Variants in FHOD3 observed in about 807,000 individuals in gnomAD.
FHOD3 encodes the protein FH1/FH2 domain-containing protein 3.
In FHOD3, 90 loss-of-function variants were observed where a neutral mutation model predicts 173.0. The observed-to-expected ratio is 0.52, with a 90% confidence interval of 0.44 to 0.62. The LOEUF is 0.62. FHOD3 is among the 20% of genes least tolerant of loss of function. The probability of loss-of-function intolerance (pLI) is 0.00; values close to 1 mark genes in which losing one functional copy is unlikely to be tolerated. For missense variants in FHOD3, 1,945 were observed against 2,034.7 expected (o/e 0.96, Z 0.85); for synonymous variants, 828 against 823.0 (o/e 1.01, Z -0.10).
chr18:36,476,443 A>G (rs2053580033), intron 3 of FHOD3, among the ~76,000 whole-genome samples: 1 of 152,204 alleles, frequency 6.6e-6, no homozygotes, highest in Admixed American at 6.5e-5. Context: ...TCATGCCCAC[A>G]GAGGGCAGGC....
At chr18:36,742,996 A>G in intron 22 of FHOD3, 140 bp downstream of exon 22, 1 of 1,300,050 alleles carries the variant, frequency 7.7e-7, no homozygotes, top group Non-Finnish European at 1.1e-6. Flanking sequence ...CTGAAAATCT[A>G]GAAGGAATTT....
intron 1 of FHOD3, among the ~76,000 whole-genome samples, chr18:36,341,143 T>G (rs1431139398): frequency 6.6e-6 from 1 of 152,242 alleles, no homozygotes; most frequent in Non-Finnish European, 1.5e-5. Flanking sequence ...GAGCTTGTGC[T>G]ACAGATTTAT....
chr18:36,418,015 G>A (rs1173313058), intron 3 of FHOD3, among the ~76,000 whole-genome samples: 2 of 152,170 alleles, frequency 1.3e-5, no homozygotes, highest in Non-Finnish European at 2.9e-5. Context: ...AAAAGGAAAT[G>A]TCTTAGACAT....
chr18:36,693,181 C>A, intron 16 of FHOD3, 28 bp from the exon 17 acceptor site: 1 of 1,597,714 alleles, frequency 6.3e-7, no homozygotes, highest in Non-Finnish European at 8.5e-7. Context: ...TTTCGTTTGA[C>A]GGAAACCCTT....
At chr18:36,768,687 G>A (rs1182820036) in intron 27 of FHOD3, among the ~76,000 whole-genome samples, 1 of 152,214 alleles carries the variant, frequency 6.6e-6, no homozygotes, top group Non-Finnish European at 1.5e-5. Flanking sequence ...TGGTTAAAGA[G>A]GGCAATCCTG....
chr18:36,509,315 TA>T (rs2081496195), intron 4 of FHOD3, among the ~76,000 whole-genome samples: 1 of 151,554 alleles, frequency 6.6e-6, no homozygotes, highest in Non-Finnish European at 1.5e-5. Context: ...TAGTCCCAGC[TA>T]CTCGGGAGGC....
At chr18:36,546,192 G>A (rs1208213438) in intron 5 of FHOD3, among the ~76,000 whole-genome samples, 1 of 152,188 alleles carries the variant, frequency 6.6e-6, no homozygotes, top group Non-Finnish European at 1.5e-5. Context: ...AGTTCATCTT[G>A]AGATGTTTCT....
At chr18:36,617,998 CTT>C (rs929777055) in intron 9 of FHOD3, among the ~76,000 whole-genome samples, 3 of 151,456 alleles carry the variant, frequency 2.0e-5, no homozygotes, top group African/African-American at 7.3e-5. Context: ...AATTTCTTCT[CTT>C]TTAGTAATCT....
intron 28 of FHOD3, among the ~76,000 whole-genome samples, chr18:36,774,006 G>T (rs1483418648): frequency 6.6e-6 from 1 of 152,192 alleles, no homozygotes; most frequent in Admixed American, 6.5e-5. Flanking sequence ...AAATATTGTG[G>T]AAAACTCAAG....
intron 3 of FHOD3, among the ~76,000 whole-genome samples, chr18:36,496,207 G>C (rs1360417291): frequency 6.6e-6 from 1 of 152,152 alleles, no homozygotes; most frequent in African/African-American, 2.4e-5. Context: ...CTGCAGCAAG[G>C]AACCCAGGCC....
rs114498011 is a variant in FHOD3, at chr18:36,477,689, A to G, written c.338-24243A>G. Among the ~76,000 whole-genome samples the G allele has an allele frequency of 4.0e-3, 612 of 152,322 alleles. 3 individuals are homozygous for G. Among genetic ancestry groups the G allele is most frequent in the African/African-American group, 0.014 (582 of 41,562 alleles). On this transcript the variant is annotated intron_variant, in intron 3 of 28. Transcript: ENST00000590592. ...TAAAAGGAATGTACTAGGACTAGGT[A>G]CTGTACCAGGTGTTAATGGGAGACA...
At chr18:36,528,476 A>G (rs1021688975) in intron 5 of FHOD3, among the ~76,000 whole-genome samples, 5 of 152,090 alleles carry the variant, frequency 3.3e-5, no homozygotes, top group Non-Finnish European at 5.9e-5. Context: ...TCTTTTTCCT[A>G]TGTAAAGGGC....
chr18:36,709,146 CA>C lies in FHOD3; in HGVS notation c.2289del (p.Ala765ArgfsTer12). Reference protein sequence around the residue: ...PESEAEPEAEAGAGQVADEAG... With the variant: ...PESEAEPEAEXGAGQVADEAG... ...TCAGAGGCAGAACCGGAAGCAGAGG[CA>C]GGGGCGGGGCAGGTTGCTGATGAAG... is the stretch of plus-strand genomic sequence containing the variant. On this transcript the variant is annotated frameshift_variant, in exon 18 of 29. Transcript: ENST00000590592. LOFTEE classifies it high-confidence loss of function. 6.2e-7 allele frequency: 1 copy of C among 1,614,028 alleles called. No homozygotes were observed. The highest frequency in any genetic ancestry group is 1.1e-5 in the South Asian group (1 of 91,062).
At chr18:36,330,547 CTCCT>C (rs1418746455) in intron 1 of FHOD3, among the ~76,000 whole-genome samples, 3 of 152,092 alleles carry the variant, frequency 2.0e-5, no homozygotes, top group Admixed American at 2.0e-4. Context: ...GAATGGGTAG[CTCCT>C]TGCTGCAGGC....
At chr18:36,477,296 G>A (rs2145340953) in intron 3 of FHOD3, among the ~76,000 whole-genome samples, 1 of 152,220 alleles carries the variant, frequency 6.6e-6, no homozygotes, top group East Asian at 1.9e-4. Context: ...GTCAATGATG[G>A]TTTATAAAGT....
chr18:36,373,987 T>C (rs758349890), intron 3 of FHOD3, among the ~76,000 whole-genome samples: 2 of 152,174 alleles, frequency 1.3e-5, no homozygotes, highest in Admixed American at 1.3e-4. Flanking sequence ...TACTGAACAG[T>C]GTTGAAGTTA....
intron 3 of FHOD3, among the ~76,000 whole-genome samples, chr18:36,426,852 G>A (rs1004180497): frequency 6.6e-6 from 1 of 152,176 alleles, no homozygotes; most frequent in Admixed American, 6.5e-5. Context: ...AACCCAAAGA[G>A]TGTGCCCTAA....
chr18:36,545,571 A>T (rs1471812225), intron 5 of FHOD3, among the ~76,000 whole-genome samples: 25 of 152,258 alleles, frequency 1.6e-4, no homozygotes, highest in African/African-American at 5.8e-4. Flanking sequence ...AGGGATGATT[A>T]TCATGAAACT....
intron 3 of FHOD3, among the ~76,000 whole-genome samples, chr18:36,419,988 C>T (rs192371679): frequency 1.3e-5 from 2 of 152,192 alleles, no homozygotes; most frequent in African/African-American, 2.4e-5. Context: ...CCATGACTTC[C>T]GGAGGCATCT....
Sources: gnomAD v4.1 joint callset for allele counts (sites outside exome capture counted in the v4.1 genomes callset) on GRCh38, gnomAD v4.1.1 for gene constraint, MANE v1.5 for transcripts, NCBI Gene and HGNC (gene_info 2026-07-23, HGNC 2026-07-21) for gene names.